The following GLIS3 variants were observed in gnomAD, a reference collection of about 807,000 sequenced individuals.
GLIS3 encodes the protein zinc finger protein GLIS3.
A neutral mutation model predicts 78.6 loss-of-function variants in GLIS3; 53 were observed. The ratio of observed to expected loss-of-function variants is 0.67; its 90% CI spans 0.54 to 0.85. GLIS3 has a LOEUF of 0.85. GLIS3 is among the 40% of genes least tolerant of loss of function. The pLI is 0.00. For missense variants in GLIS3, 1,703 were observed against 1,231.1 expected, an observed-to-expected ratio of 1.38 and a Z score of -5.74; for synonymous variants, 684 against 509.9, an observed-to-expected ratio of 1.34 and a Z score of -4.60.
chr9:3,830,832 TAAG>T (rs1228028487), intron 9 of GLIS3, among the ~76,000 whole-genome samples: 3 of 149,952 alleles, frequency 2.0e-5, no homozygotes, highest in Non-Finnish European at 4.4e-5. Flanking sequence ...TAGCTCTCTT[TAAG>T]TAAAACCAGG....
At chr9:4,110,609 G>T (rs1182065282) in intron 4 of GLIS3, among the ~76,000 whole-genome samples, 1 of 152,030 alleles carries the variant, frequency 6.6e-6, no homozygotes, top group African/African-American at 2.4e-5. Flanking sequence ...TAGACAGATT[G>T]GTCTCCCCTC....
rs559702015 is a variant in GLIS3, at chr9:4,065,026, A to C, written c.1710+52742T>G. Among the ~76,000 whole-genome samples, 9 of 152,278 alleles carry C rather than the reference A, an allele frequency of 5.9e-5. No individual in the cohort carries two copies. The South Asian group carries it at 1.2e-3, about 21-fold the overall frequency. Reference sequence around the variant, plus strand: ...GGCACTGTTACTAATTTTTTAGAAAAGGGAAAAAGTTGGATTCTAGAAACT... The same window carrying C: ...GGCACTGTTACTAATTTTTTAGAAACGGGAAAAAGTTGGATTCTAGAAACT... On this transcript the variant is annotated intron_variant, in intron 4 of 10. Transcript: ENST00000381971.
chr9:4,305,444 C>T (rs559021320), intron 4 of GLIS3: 17 of 152,334 alleles, frequency 1.1e-4, no homozygotes, highest in African/African-American at 4.1e-4. Context: ...CCAGGGGCAT[C>T]CCCTATTGAT....
intron 2 of GLIS3, among the ~76,000 whole-genome samples, chr9:4,250,658 T>C (rs541648451): frequency 3.9e-5 from 6 of 152,332 alleles, no homozygotes; most frequent in South Asian, 2.1e-4. Flanking sequence ...TGCTAGTTTT[T>C]GAATTTGTTT....
At chr9:4,268,002 TGA>T (rs1199681767) in intron 2 of GLIS3, among the ~76,000 whole-genome samples, 13 of 152,044 alleles carry the variant, frequency 8.6e-5, no homozygotes, top group Non-Finnish European at 1.8e-4. Flanking sequence ...TATATGTGTG[TGA>T]ATATATACAT....
At chr9:4,296,363 G>A (rs1329930664) in intron 1 of GLIS3, among the ~76,000 whole-genome samples, 1 of 151,154 alleles carries the variant, frequency 6.6e-6, no homozygotes, top group Non-Finnish European at 1.5e-5. Flanking sequence ...ACTTTCTCCT[G>A]CATAAATGAA....
chr9:4,286,406 C>T lies in GLIS3; in HGVS notation c.20G>A (p.Ser7Asn). ...TCCCGATGTCCGGTGGAGACTCATG[C>T]TGCATGATCTTCCATTCATTCTGAA... The part of the protein sequence containing the change: MNGRSC[S>N]MSLHRTSGTP... The change falls in exon 2 of 11, where the codon AGC becomes AAC. Residue 7 changes from serine to asparagine, a missense_variant. Ser to Asn is a conservative substitution (Grantham distance 46). Transcript: ENST00000381971. The T allele has an allele frequency of 6.2e-7, 1 of 1,614,120 alleles. No individual in the cohort carries two copies. Among genetic ancestry groups the T allele is most frequent in the Non-Finnish European group, 8.5e-7 (1 of 1,180,048 alleles).
At chr9:4,445,856 T>G in the GLIS3 span, among the ~76,000 whole-genome samples, 1 of 152,134 alleles carries the variant, frequency 6.6e-6, no homozygotes, top group Non-Finnish European at 1.5e-5. Flanking sequence ...ACAGCATGGT[T>G]GAGACTGTAG....
At chr9:4,318,863 C>A (rs1421954434) in intron 2 of GLIS3, among the ~76,000 whole-genome samples, 1 of 152,096 alleles carries the variant, frequency 6.6e-6, no homozygotes, top group Non-Finnish European at 1.5e-5. Flanking sequence ...TTGCTGATTG[C>A]AAAGGGGGGA....
At position 4,121,704 on chromosome 9, in the gene GLIS3, A is replaced by G. The variant is rs182065454; in HGVS notation, c.597-2823T>C. 4.5e-3 allele frequency among the ~76,000 whole-genome samples: 680 copies of G among 152,210 alleles called. 6 individuals are homozygous for G. Among genetic ancestry groups the G allele is most frequent in the African/African-American group, 0.015 (631 of 41,516 alleles). On this transcript the variant is annotated intron_variant, in intron 3 of 10. Coordinates refer to ENST00000381971, the MANE Select transcript of GLIS3 (RefSeq NM_001042413.2). ...AAATACAAGTGAAGCTGTGCTTGATAGGCAGTGACCTACTGGATCATACAC... is the reference window on the plus strand; with the variant it reads ...AAATACAAGTGAAGCTGTGCTTGATGGGCAGTGACCTACTGGATCATACAC...
At chr9:4,008,295 G>C (rs1014784366) in intron 4 of GLIS3, among the ~76,000 whole-genome samples, 1 of 152,084 alleles carries the variant, frequency 6.6e-6, no homozygotes, top group Middle Eastern at 3.2e-3. Flanking sequence ...GAACCGCTTG[G>C]CCATGACAAG....
chr9:3,894,847 TCTC>T (rs1460559383), intron 7 of GLIS3, among the ~76,000 whole-genome samples: 1 of 152,204 alleles, frequency 6.6e-6, no homozygotes, highest in Non-Finnish European at 1.5e-5. Context: ...ATTCCCTTCT[TCTC>T]GTAGATTTCT....
At chr9:4,373,305 C>T in the GLIS3 span, among the ~76,000 whole-genome samples, 1 of 152,180 alleles carries the variant, frequency 6.6e-6, no homozygotes. Context: ...TCAGTAGTTT[C>T]CCATCCTGGC....
intron 4 of GLIS3, among the ~76,000 whole-genome samples, chr9:4,098,045 G>C (rs1830095722): frequency 6.6e-6 from 1 of 152,172 alleles, no homozygotes; most frequent in South Asian, 2.1e-4. Context: ...GCATCACACT[G>C]AAAGGCACAT....
At chr9:4,347,242 A>C (rs7019820) in intron 1 of GLIS3, 29,092 of 151,950 alleles carry the variant, frequency 0.19, 2,935 homozygotes, top group East Asian at 0.33. Context: ...CTTCTTAACA[A>C]CCAGCTCTCA....
At chr9:3,842,160 C>T (rs780687258) in intron 9 of GLIS3, among the ~76,000 whole-genome samples, 1 of 152,152 alleles carries the variant, frequency 6.6e-6, no homozygotes, top group African/African-American at 2.4e-5. Flanking sequence ...TGTGAGCCAG[C>T]CTGGTTCTAT....
intron 9 of GLIS3, among the ~76,000 whole-genome samples, chr9:3,841,792 G>A (rs980551717): frequency 3.9e-5 from 6 of 152,116 alleles, no homozygotes; most frequent in Non-Finnish European, 7.4e-5. Context: ...TAATAAACAC[G>A]AAAGTATTTT....
chr9:4,269,474 C>T (rs1345314717), intron 2 of GLIS3, among the ~76,000 whole-genome samples: 1 of 152,100 alleles, frequency 6.6e-6, no homozygotes, highest in Non-Finnish European at 1.5e-5. Context: ...AAGTATTGTC[C>T]AACGTTATAT....
intron 6 of GLIS3, 173 bp from the exon 7 acceptor site, chr9:3,899,008 A>G (rs945603237): frequency 3.8e-6 from 3 of 782,278 alleles, no homozygotes; most frequent in African/African-American, 3.4e-5. Context: ...CAGTTCTCCA[A>G]TCCTAATAAC....
Sources: allele counts gnomAD v4.1 joint callset (sites outside exome capture counted in the v4.1 genomes callset), GRCh38; gene constraint gnomAD v4.1.1; transcripts MANE v1.5; gene names NCBI Gene and HGNC (gene_info 2026-07-23, HGNC 2026-07-21).